SMYD3: variants seen among roughly 807,000 people sequenced by gnomAD.
SMYD3 encodes the protein SET and MYND domain containing 3.
Under a neutral mutation model 57.7 loss-of-function variants are expected in SMYD3, and 36 were observed. The observed-to-expected ratio is 0.62, with a 90% confidence interval of 0.48 to 0.82. SMYD3 has a LOEUF of 0.82. Ranked by LOEUF, SMYD3 falls within the 40% of genes least tolerant of loss-of-function variation. The pLI is 0.00. For missense variants in SMYD3, 515 were observed against 538.8 expected, an observed-to-expected ratio of 0.96 and a Z score of 0.44; for synonymous variants, 211 against 195.0, an observed-to-expected ratio of 1.08 and a Z score of -0.68.
intron 5 of SMYD3, among the ~76,000 whole-genome samples, chr1:246,248,806 T>TA (rs1181383374): frequency 7.7e-6 from 1 of 129,952 alleles, no homozygotes; most frequent in African/African-American, 3.3e-5. Flanking sequence ...CATGCCCGGC[T>TA]AATTTTTTTT....
At chr1:246,453,503 T>C (rs2067661045) in intron 1 of SMYD3, among the ~76,000 whole-genome samples, 1 of 151,984 alleles carries the variant, frequency 6.6e-6, no homozygotes, top group Non-Finnish European at 1.5e-5. Flanking sequence ...ACAAAAAAGG[T>C]AAAATAACTA....
chr1:245,853,997 G>A (rs907944814), intron 10 of SMYD3, among the ~76,000 whole-genome samples: 1 of 152,090 alleles, frequency 6.6e-6, no homozygotes, highest in Non-Finnish European at 1.5e-5. Flanking sequence ...CACAACTTAA[G>A]TCTCTTCATC....
chr1:245,926,338 C>T (rs565583661), intron 7 of SMYD3, among the ~76,000 whole-genome samples: 36 of 152,304 alleles, frequency 2.4e-4, no homozygotes, highest in African/African-American at 8.7e-4. Context: ...TCAGGGGAAA[C>T]ACTGTTCAGC....
intron 1 of SMYD3, among the ~76,000 whole-genome samples, chr1:246,481,621 T>TATATATATATATACACACACACACAC (rs1307881494): frequency 2.0e-5 from 2 of 98,564 alleles, no homozygotes; most frequent in Non-Finnish European, 4.2e-5. Flanking sequence ...CATACATATA[T>TATATATATATATACACACACACACAC]ACATACATAC....
chr1:245,876,449 T>C (rs1482096863), intron 8 of SMYD3, among the ~76,000 whole-genome samples: 1 of 152,344 alleles, frequency 6.6e-6, no homozygotes, highest in Non-Finnish European at 1.5e-5. Context: ...CCTCAGCCAT[T>C]GCTCCGAATC....
At chr1:246,287,338 C>T (rs2064589742) in intron 5 of SMYD3, among the ~76,000 whole-genome samples, 1 of 152,122 alleles carries the variant, frequency 6.6e-6, no homozygotes, top group Non-Finnish European at 1.5e-5. Flanking sequence ...TTTCCTTTTA[C>T]AGTTTCATTA....
At chr1:245,865,361 T>C (rs545271008) in intron 8 of SMYD3, among the ~76,000 whole-genome samples, 9 of 152,226 alleles carry the variant, frequency 5.9e-5, no homozygotes, top group South Asian at 2.1e-4. Context: ...GAAAAGTAGG[T>C]CTGATGTTTA....
At chr1:246,190,470 A>G (rs2062716543) in intron 5 of SMYD3, among the ~76,000 whole-genome samples, 1 of 151,260 alleles carries the variant, frequency 6.6e-6, no homozygotes, top group Non-Finnish European at 1.5e-5. Flanking sequence ...CTGTAGTCCC[A>G]GCTACTCGGG....
intron 3 of SMYD3, among the ~76,000 whole-genome samples, chr1:246,332,431 G>C (rs2065476164): frequency 6.6e-6 from 1 of 152,220 alleles, no homozygotes; most frequent in Non-Finnish European, 1.5e-5. Flanking sequence ...TGAGAGAGGG[G>C]AGAAAATTGC....
intron 10 of SMYD3, among the ~76,000 whole-genome samples, chr1:245,840,674 G>GT (rs935695437): frequency 1.1e-4 from 17 of 151,970 alleles, no homozygotes; most frequent in African/African-American, 4.1e-4. Flanking sequence ...TTCTTCAGTT[G>GT]TAAGAAACTT....
chr1:246,357,392 G>A (rs967227507), intron 1 of SMYD3, among the ~76,000 whole-genome samples: 2 of 152,160 alleles, frequency 1.3e-5, no homozygotes, highest in African/African-American at 2.4e-5. Flanking sequence ...CCATGGCAAC[G>A]TCAGGAAGTT....
At chr1:246,077,757 T>G (rs1572987090) in intron 5 of SMYD3, among the ~76,000 whole-genome samples, 1 of 152,116 alleles carries the variant, frequency 6.6e-6, no homozygotes, top group African/African-American at 2.4e-5. Context: ...GTCCTGATTC[T>G]TCCTCTCTGT....
chr1:246,182,020 C>T (rs2062559871), intron 5 of SMYD3, among the ~76,000 whole-genome samples: 1 of 152,166 alleles, frequency 6.6e-6, no homozygotes, highest in African/African-American at 2.4e-5. Context: ...AGAAAGAGCA[C>T]TATTTTAACC....
chr1:246,395,671 CAGTCAGACAGGGAAGACGAACCCACCAT>C (rs1558442888), intron 1 of SMYD3, among the ~76,000 whole-genome samples: 6 of 82,124 alleles, frequency 7.3e-5, no homozygotes, highest in Admixed American at 2.9e-4. Context: ...GAACCCACCA[CAGTCAGACAGGGAAGACGAACCCACCAT>C]GGCTGGACAG....
intron 5 of SMYD3, among the ~76,000 whole-genome samples, chr1:246,308,943 TTA>T (rs768823497): frequency 1.4e-4 from 22 of 152,268 alleles, no homozygotes; most frequent in Non-Finnish European, 2.8e-4. Flanking sequence ...GTAAAATTAC[TTA>T]TGTGCCTAAG....
At chr1:246,071,025 A>G (rs1310367705) in intron 5 of SMYD3, among the ~76,000 whole-genome samples, 6 of 152,226 alleles carry the variant, frequency 3.9e-5, no homozygotes, top group Admixed American at 1.3e-4. Flanking sequence ...GTTCGATCAG[A>G]AATACTTGTT....
At position 245,832,485 on chromosome 1, in the gene SMYD3, G is replaced by T. The variant is rs376519789; in HGVS notation, c.1076+26011C>A. Among the ~76,000 whole-genome samples, 108 of 149,044 alleles carry T rather than the reference G, an allele frequency of 7.2e-4. 1 individual carries two copies. In the South Asian group the frequency reaches 8.5e-3, roughly 12 times the overall value. ...TCCTCATCGATTTAATGTTTTTTTTGTTTTTTTTTTTTTGAGAGTTGAGGA... is the reference window on the plus strand; with the variant it reads ...TCCTCATCGATTTAATGTTTTTTTTTTTTTTTTTTTTTTGAGAGTTGAGGA... On this transcript the variant is annotated intron_variant, in intron 10 of 11. Coordinates refer to ENST00000490107, the MANE Select transcript of SMYD3 (RefSeq NM_001167740.2).
chr1:245,912,969 C>G (rs567084856), intron 8 of SMYD3, among the ~76,000 whole-genome samples: 9 of 152,282 alleles, frequency 5.9e-5, no homozygotes, highest in African/African-American at 1.9e-4. Flanking sequence ...CCTCAGGGAT[C>G]TAGAACTAGA....
intron 5 of SMYD3, among the ~76,000 whole-genome samples, chr1:245,994,043 A>G (rs939125080): frequency 5.3e-5 from 8 of 152,248 alleles, no homozygotes; most frequent in African/African-American, 1.9e-4. Flanking sequence ...AGGTGTAGGA[A>G]GAAATCCAAA....
Sources: gnomAD v4.1 joint callset for allele counts (sites outside exome capture counted in the v4.1 genomes callset) on GRCh38, gnomAD v4.1.1 for gene constraint, MANE v1.5 for transcripts, NCBI Gene and HGNC (gene_info 2026-07-23, HGNC 2026-07-21) for gene names.